MYOF: variants seen among roughly 807,000 people sequenced by gnomAD.
MYOF encodes myoferlin.
In MYOF, 244 loss-of-function variants were observed where a neutral mutation model predicts 284.2. The observed-to-expected ratio is 0.86, with a 90% CI of 0.77 to 0.95. The LOEUF (loss-of-function observed/expected upper bound fraction) is 0.95, where lower values mean the gene tolerates loss of function less well. Ranked by LOEUF, MYOF falls within the 40% of genes least tolerant of loss-of-function variation. MYOF has a pLI of 0.00. For missense variants in MYOF, 2,496 were observed against 2,560.6 expected (o/e 0.97, Z 0.54); for synonymous variants, 904 against 919.7 (o/e 0.98, Z 0.31).
chr10:93,473,735 G>A (rs2057199973), intron 1 of MYOF, among the ~76,000 whole-genome samples: 1 of 152,134 alleles, frequency 6.6e-6, no homozygotes, highest in African/African-American at 2.4e-5. Context: ...TTGTAATGAA[G>A]CAATTCTGAA....
At chr10:93,339,367 TTGTGTGTGTGTG>T (rs35070199) in intron 39 of MYOF, among the ~76,000 whole-genome samples, 3 of 150,226 alleles carry the variant, frequency 2.0e-5, no homozygotes, top group Admixed American at 6.6e-5. Flanking sequence ...TGCTTCTTAT[TTGTGTGTGTGTG>T]TGTGTGTGTG....
At chr10:93,332,124 C>T (rs1843334839) in intron 43 of MYOF, among the ~76,000 whole-genome samples, 1 of 152,138 alleles carries the variant, frequency 6.6e-6, no homozygotes, top group Non-Finnish European at 1.5e-5. Context: ...GTAATCCCTG[C>T]CCTGAGCAGC....
intron 28 of MYOF, among the ~76,000 whole-genome samples, chr10:93,361,119 G>A (rs1268778569): frequency 6.6e-6 from 1 of 152,134 alleles, no homozygotes; most frequent in Non-Finnish European, 1.5e-5. Context: ...TGGGGTAGAG[G>A]GAGGATGGCT....
Position 93,310,040 on chromosome 10 carries a change from C to A in MYOF, c.6127G>T (p.Val2043Leu). Residue 2043 changes from valine to leucine, a missense_variant, in exon 53 of 54, where the codon GTG becomes TTG. By Grantham distance (32) the Val-to-Leu change is conservative. Around this residue, in one of 3 missense-constraint regions of MYOF, gnomAD observed 2,436 missense variants for 2,480.7 expected, o/e 0.98. Coordinates refer to ENST00000359263, the MANE Select transcript of MYOF (RefSeq NM_013451.4). Reference sequence around the variant, plus strand: ...CCTACCGGCAAAGAGTAGAGGAGCACGGCCACGAAGAGCAGCAGGATAAGC... The same window carrying A: ...CCTACCGGCAAAGAGTAGAGGAGCAAGGCCACGAAGAGCAGCAGGATAAGC... The part of the protein sequence containing the change: ...FLLILLLFVA[V>L]LLYSLPNYLS... 6.2e-7 allele frequency: 1 copy of A among 1,614,018 alleles called. No individual in the cohort carries two copies. The highest frequency in any genetic ancestry group is 8.5e-7 in the Non-Finnish European group (1 of 1,180,016).
At chr10:93,391,786 C>T (rs977258704) in intron 17 of MYOF, among the ~76,000 whole-genome samples, 1 of 152,128 alleles carries the variant, frequency 6.6e-6, no homozygotes, top group Non-Finnish European at 1.5e-5. Flanking sequence ...TTCCTCTGAC[C>T]TAGCTACAAC....
chr10:93,344,109 G>A (rs546196747), intron 37 of MYOF, among the ~76,000 whole-genome samples, 177 bp from the exon 38 acceptor site: 3 of 152,066 alleles, frequency 2.0e-5, no homozygotes, highest in Non-Finnish European at 2.9e-5. Flanking sequence ...AATCCATCAC[G>A]TTTCCCCAAA....
intron 48 of MYOF, 78 bp downstream of exon 48, chr10:93,323,000 A>G: frequency 2.2e-6 from 3 of 1,344,000 alleles, no homozygotes; most frequent in Non-Finnish European, 3.2e-6. Context: ...TATCTTGGGC[A>G]TATTCAGTAA....
intron 50 of MYOF, among the ~76,000 whole-genome samples, chr10:93,315,555 AG>A (rs1842580538): frequency 6.6e-6 from 1 of 152,118 alleles, no homozygotes; most frequent in African/African-American, 2.4e-5. Flanking sequence ...ATGCTGAGTG[AG>A]ATTTCAGTCA....
chr10:93,415,981 G>A (rs538352337), intron 5 of MYOF, among the ~76,000 whole-genome samples: 88 of 152,280 alleles, frequency 5.8e-4, no homozygotes, highest in African/African-American at 2.1e-3. Flanking sequence ...CTCTGTCTCT[G>A]ATTCTCATGC....
At chr10:93,446,101 T>C (rs1471937671) in intron 3 of MYOF, among the ~76,000 whole-genome samples, 1 of 152,040 alleles carries the variant, frequency 6.6e-6, no homozygotes, top group Non-Finnish European at 1.5e-5. Flanking sequence ...ATGATCATGA[T>C]TCCCAGCTGA....
At chr10:93,416,236 C>T (rs1016959368) in intron 5 of MYOF, among the ~76,000 whole-genome samples, 8 of 152,348 alleles carry the variant, frequency 5.3e-5, no homozygotes, top group South Asian at 2.1e-4. Context: ...AAACTTCTCT[C>T]GGCCGGGCGT....
At chr10:93,426,184 T>C (rs1411906754) in intron 4 of MYOF, 26 bp from the exon 5 acceptor site, 3 of 1,550,160 alleles carry the variant, frequency 1.9e-6, no homozygotes, top group Non-Finnish European at 2.6e-6. Flanking sequence ...TCGTTGCAAA[T>C]ATTATCAGTG....
intron 5 of MYOF, among the ~76,000 whole-genome samples, chr10:93,424,566 G>T (rs1394788194): frequency 6.6e-6 from 1 of 152,210 alleles, no homozygotes; most frequent in Non-Finnish European, 1.5e-5. Flanking sequence ...AATGCTCAGG[G>T]TGCCGCTAGG....
intron 19 of MYOF, among the ~76,000 whole-genome samples, chr10:93,382,146 G>C (rs544029748): frequency 6.6e-6 from 1 of 152,174 alleles, no homozygotes. Flanking sequence ...GTTAACAGTA[G>C]TTATGTTGAA....
intron 48 of MYOF, 69 bp from the exon 49 acceptor site, chr10:93,320,082 G>C: frequency 1.3e-6 from 2 of 1,558,538 alleles, no homozygotes; most frequent in Non-Finnish European, 1.8e-6. Context: ...AAATTGTGCA[G>C]TAATTAGGGG....
intron 21 of MYOF, among the ~76,000 whole-genome samples, chr10:93,378,329 T>A (rs997189041): frequency 2.6e-5 from 4 of 152,102 alleles, no homozygotes; most frequent in Non-Finnish European, 5.9e-5. Flanking sequence ...CTGAAGAGCA[T>A]CTCAAACACA....
intron 9 of MYOF, 89 bp from the exon 10 acceptor site, chr10:93,402,979 T>A (rs1847371937): frequency 1.8e-6 from 2 of 1,139,224 alleles, no homozygotes; most frequent in East Asian, 4.8e-5. Flanking sequence ...TTAAATATCA[T>A]GTCTTGATTA....
At position 93,344,787 on chromosome 10, in the gene MYOF, ATTG is replaced by A. The variant is rs547811801; in HGVS notation, c.4250-858_4250-856del. ...GGAAAGGAAAAGAAAAGCAGGGTGG[ATTG>A]TTGTATATTTCAGGCCTGAGGTTGC... On this transcript the variant is annotated intron_variant, in intron 37 of 53. Coordinates refer to ENST00000359263, the MANE Select transcript of MYOF (RefSeq NM_013451.4). 5.3e-3 allele frequency among the ~76,000 whole-genome samples: 791 copies of A among 150,098 alleles called. 8 individuals are homozygous for A. Among genetic ancestry groups the A allele is most frequent in the African/African-American group, 0.018 (749 of 41,024 alleles).
chr10:93,344,022 GTGGA>G (rs1844056142), intron 37 of MYOF, 90 bp from the exon 38 acceptor site: 1 of 1,369,868 alleles, frequency 7.3e-7, no homozygotes, highest in Admixed American at 1.9e-5. Flanking sequence ...CAGCCATAGG[GTGGA>G]TGGTAGAGTT....
Sources: gnomAD v4.1 joint callset for allele counts (sites outside exome capture counted in the v4.1 genomes callset) on GRCh38, gnomAD v4.1.1 for gene constraint, gnomAD v4.1.1 regional missense constraint, MANE v1.5 for transcripts, NCBI Gene and HGNC (gene_info 2026-07-23, HGNC 2026-07-21) for gene names.